The following TMEM243 variants were observed in gnomAD, a reference collection of about 807,000 sequenced individuals.
The protein encoded by TMEM243 is transmembrane protein 243.
Under a neutral mutation model 15.0 loss-of-function variants are expected in TMEM243, and 20 were observed. The observed-to-expected ratio is 1.33, with a 90% CI of 0.94 to 1.93. The LOEUF is 1.93. Among genes scored for constraint, TMEM243 ranks in the 30% most tolerant of loss-of-function variants. The pLI is 0.00. For missense variants in TMEM243, 156 were observed against 142.1 expected (o/e 1.10, Z -0.50); for synonymous variants, 72 against 52.7 (o/e 1.37, Z -1.59).
At chr7:87,205,752 T>C (rs946742648) in intron 1 of TMEM243, among the ~76,000 whole-genome samples, 1 of 152,162 alleles carries the variant, frequency 6.6e-6, no homozygotes, top group Non-Finnish European at 1.5e-5. Context: ...GGAAGGAAAC[T>C]TTCCCACATC....
At chr7:87,218,305 GTGCATCTTCC>G (rs1803252371) in intron 1 of TMEM243, among the ~76,000 whole-genome samples, 1 of 152,216 alleles carries the variant, frequency 6.6e-6, no homozygotes, top group East Asian at 1.9e-4. Context: ...GATGAACAAG[GTGCATCTTCC>G]TGGAGATCGA....
intron 1 of TMEM243, among the ~76,000 whole-genome samples, chr7:87,216,004 C>T (rs1803087263): frequency 1.3e-5 from 2 of 152,098 alleles, no homozygotes; most frequent in South Asian, 2.1e-4. Flanking sequence ...GGCGTGGTGG[C>T]TCACGCCTGT....
intron 1 of TMEM243, among the ~76,000 whole-genome samples, chr7:87,215,859 A>G (rs963364620): frequency 2.7e-4 from 41 of 152,166 alleles, no homozygotes; most frequent in African/African-American, 9.9e-4. Flanking sequence ...AATCCCTAGG[A>G]CAGGCACGAT....
At chr7:87,211,428 T>A (rs1802738269) in intron 1 of TMEM243, among the ~76,000 whole-genome samples, 2 of 152,134 alleles carry the variant, frequency 1.3e-5, no homozygotes, top group African/African-American at 4.8e-5. Context: ...CTGGACTGAG[T>A]GATTCAGACC....
At chr7:87,199,099 A>G (rs759359477) in intron 1 of TMEM243, 42 bp from the exon 2 acceptor site, 26 of 1,535,214 alleles carry the variant, frequency 1.7e-5, no homozygotes, top group Non-Finnish European at 1.5e-5. Context: ...ACTTGGATCC[A>G]TGTTACCTTC....
Position 87,197,835 on chromosome 7 carries a change from T to TAA in TMEM243, c.234+104_234+105dup, listed in dbSNP as rs773974430. The stretch of plus-strand genomic sequence containing the variant: ...TACTTTTAGGGGGAGGATGAGGATA[T>TAA]AATTAAGAGATACCCTTTTGTATAG... On this transcript the variant is annotated intron_variant, in intron 3 of 3. Transcript: ENST00000257637. The TAA allele has an allele frequency of 1.9e-6, 3 of 1,573,246 alleles. No individual in the cohort carries two copies. The Admixed American group carries it at 5.5e-5, about 29-fold the overall frequency.
chr7:87,219,353 A>G, intron 1 of TMEM243, 73 bp downstream of exon 1: 1 of 1,466,922 alleles, frequency 6.8e-7, no homozygotes, highest in Non-Finnish European at 9.5e-7. Flanking sequence ...AGAAAGACGC[A>G]GCCCGGACTC....
In TMEM243 at chr7:87,216,522, T is replaced by C. The variant is rs369772781; in HGVS notation, c.78+2904A>G. The stretch of plus-strand genomic sequence containing the variant: ...CTTTGCCTTTCTCTCCATGACTATG[T>C]CTGTAAAGCTATTCCTAAATAGGAA... On this transcript the variant is annotated intron_variant, in intron 1 of 3. Coordinates refer to ENST00000257637, the MANE Select transcript of TMEM243 (RefSeq NM_024315.4). Among the ~76,000 whole-genome samples, 44 of 152,254 alleles carry C rather than the reference T, an allele frequency of 2.9e-4. No individual in the cohort carries two copies. In the East Asian group the frequency reaches 3.3e-3, roughly 11 times the overall value.
At chr7:87,210,199 T>A (rs1802646662) in intron 1 of TMEM243, among the ~76,000 whole-genome samples, 2 of 152,244 alleles carry the variant, frequency 1.3e-5, no homozygotes, top group Middle Eastern at 3.4e-3. Context: ...ACTGCCCCCA[T>A]GACCTGATCA....
chr7:87,198,090 A>C, intron 2 of TMEM243, 45 bp from the exon 3 acceptor site: 1 of 1,518,872 alleles, frequency 6.6e-7, no homozygotes, highest in Non-Finnish European at 9.0e-7. Context: ...TAATTCCAAG[A>C]CTTGGTAATT....
chr7:87,213,648 G>A (rs996616766), intron 1 of TMEM243, among the ~76,000 whole-genome samples: 3 of 152,044 alleles, frequency 2.0e-5, no homozygotes, highest in South Asian at 2.1e-4. Flanking sequence ...TTAAATAAGC[G>A]ACAACAAAAA....
upstream of TMEM243, chr7:87,220,123 G>C (rs1391169977): frequency 6.5e-6 from 1 of 153,086 alleles, no homozygotes; most frequent in Non-Finnish European, 1.5e-5. Context: ...GCACAGCCCA[G>C]CGCTCCGCAC....
At position 87,196,753 on chromosome 7, in the gene TMEM243, G is replaced by A. The variant is rs1801290865; in HGVS notation, c.240C>T (p.Tyr80=). ...GTTCTAAGTCTCCTTGTCGATACCA[G>A]TAGATCTAAAAGAAGAATTAAAGTT... ...LSSITACILI[Y]WYRQGDLEPK... is the part of the protein sequence containing the mutation. Residue 80 remains tyrosine (Y), a synonymous_variant, in exon 4 of 4, where the codon TAC becomes TAT. Coordinates refer to ENST00000257637, the MANE Select transcript of TMEM243 (RefSeq NM_024315.4). 2 of 1,547,172 alleles carry A rather than the reference G, an allele frequency of 1.3e-6. No homozygotes were observed.
intron 1 of TMEM243, among the ~76,000 whole-genome samples, chr7:87,215,831 G>A (rs890578281): frequency 7.2e-5 from 11 of 152,122 alleles, no homozygotes; most frequent in African/African-American, 2.4e-4. Context: ...AACACCTTTC[G>A]TTTTTTGTCT....
chr7:87,197,908 A>G, intron 3 of TMEM243, 33 bp downstream of exon 3: 2 of 1,612,604 alleles, frequency 1.2e-6, no homozygotes, highest in African/African-American at 1.3e-5. Flanking sequence ...TTAAACCCTC[A>G]AGAACACTGT....
At chr7:87,210,591 G>A (rs1296806006) in intron 1 of TMEM243, among the ~76,000 whole-genome samples, 1 of 152,218 alleles carries the variant, frequency 6.6e-6, no homozygotes, top group Non-Finnish European at 1.5e-5. Context: ...ACCCAGCAGG[G>A]CAGTCATTAA....
At chr7:87,205,082 T>C (rs1802105892) in intron 1 of TMEM243, among the ~76,000 whole-genome samples, 1 of 152,246 alleles carries the variant, frequency 6.6e-6, no homozygotes, top group Non-Finnish European at 1.5e-5. Context: ...CCCTGAGCTG[T>C]ACCTTGGCCC....
At chr7:87,197,054 T>A (rs1801341811) in intron 3 of TMEM243, among the ~76,000 whole-genome samples, 1 of 152,078 alleles carries the variant, frequency 6.6e-6, no homozygotes, top group African/African-American at 2.4e-5. Flanking sequence ...GCATACTACT[T>A]AACAGGAAAG....
rs1431045159 is a variant in TMEM243, at chr7:87,198,059, AATT to A, written c.130-17_130-15del. ...TATCAGCGTTACCTGTATGAAGAGA[AATT>A]ATGTAAGGCCTTAACAGTAATTCCA... On this transcript the variant is annotated splice_polypyrimidine_tract_variant and intron_variant, in intron 2 of 3. Coordinates refer to ENST00000257637, the MANE Select transcript of TMEM243 (RefSeq NM_024315.4). 6.2e-7 allele frequency: 1 copy of A among 1,607,826 alleles called. No homozygotes were observed. The highest frequency in any genetic ancestry group is 8.5e-7 in the Non-Finnish European group (1 of 1,175,930).
Sources: allele counts gnomAD v4.1 joint callset (sites outside exome capture counted in the v4.1 genomes callset), GRCh38; gene constraint gnomAD v4.1.1; transcripts MANE v1.5; gene names NCBI Gene and HGNC (gene_info 2026-07-23, HGNC 2026-07-21).